ST7: variants seen among roughly 807,000 people sequenced by gnomAD.
ST7 encodes suppressor of tumorigenicity 7 protein.
Under a neutral mutation model 78.7 loss-of-function variants are expected in ST7, and 28 were observed. The ratio of observed to expected loss-of-function variants is 0.36; its 90% CI spans 0.26 to 0.49. ST7 has a LOEUF of 0.49. ST7 is among the 20% of genes least tolerant of loss of function. The probability of loss-of-function intolerance (pLI) is 0.99; values close to 1 mark genes in which losing one functional copy is unlikely to be tolerated. For missense variants in ST7, 418 were observed against 696.0 expected (o/e 0.60, Z 4.49); for synonymous variants, 247 against 249.6 (o/e 0.99, Z 0.10).
At chr7:116,991,272 T>C (rs1190952536) in intron 1 of ST7, among the ~76,000 whole-genome samples, 3 of 152,176 alleles carry the variant, frequency 2.0e-5, no homozygotes, top group Admixed American at 6.5e-5. Context: ...GGCTCTCTGC[T>C]TGAATGTGGG....
Position 117,190,285 on chromosome 7 carries a change from A to T in ST7, c.1152-549A>T, listed in dbSNP as rs1809649680. The T allele has an allele frequency of 6.0e-6, 1 of 167,938 alleles. No homozygotes were observed. The allele number at this position is 167,938 out of a possible 1,614,324, so 10.4% of individuals were successfully genotyped here. ...GGGTGTGAGGTGAGAAAGAGATTGC[A>T]TGGTCTGGTTTTTTTCATTCACTTG... is the stretch of plus-strand genomic sequence containing the variant. On this transcript the variant is annotated intron_variant, in intron 11 of 15. Coordinates refer to ENST00000323984, the MANE Select transcript of ST7 (RefSeq NM_001369598.1). The surrounding 1 kb of genome is among the most constrained non-coding windows in gnomAD (Gnocchi z 5.2).
At chr7:116,967,226 G>A (rs1793165426) in intron 1 of ST7, 8 of 465,226 alleles carry the variant, frequency 1.7e-5, no homozygotes, top group South Asian at 1.3e-4. Flanking sequence ...GTATGAATAG[G>A]TAGTAATTCT....
At chr7:117,143,591 A>T (rs1805508016) in intron 9 of ST7, among the ~76,000 whole-genome samples, 1 of 152,072 alleles carries the variant, frequency 6.6e-6, no homozygotes, top group African/African-American at 2.4e-5. Flanking sequence ...TACAAATATA[A>T]CCTCATTTAA....
intron 1 of ST7, among the ~76,000 whole-genome samples, chr7:117,019,819 C>T (rs1795788367): frequency 6.6e-6 from 1 of 152,160 alleles, no homozygotes; most frequent in Non-Finnish European, 1.5e-5. Context: ...TGTCAATCTA[C>T]CATAAGCTTT....
chr7:117,175,279 A>T (rs1808269241), intron 10 of ST7, among the ~76,000 whole-genome samples: 1 of 152,220 alleles, frequency 6.6e-6, no homozygotes, highest in Non-Finnish European at 1.5e-5. Flanking sequence ...TTCTTTTAGA[A>T]GCCGTTGCAA....
At position 117,129,787 on chromosome 7, in the gene ST7, T is replaced by G. The variant is rs765119164; in HGVS notation, c.395-6T>G. The G allele has an allele frequency of 3.1e-6, 5 of 1,609,348 alleles. No homozygotes were observed. Among genetic ancestry groups the G allele is most frequent in the Non-Finnish European group, 4.2e-6 (5 of 1,177,168 alleles). Reference sequence around the variant, plus strand: ...CGTAACATTTTCATATTTCTCTTTGTTGCAGAATGCAAAGTATGGCGAAAT... The same window carrying G: ...CGTAACATTTTCATATTTCTCTTTGGTGCAGAATGCAAAGTATGGCGAAAT... On this transcript the variant is annotated splice_region_variant and splice_polypyrimidine_tract_variant and intron_variant, in intron 3 of 15. Coordinates refer to ENST00000323984, the MANE Select transcript of ST7 (RefSeq NM_001369598.1).
chr7:117,183,145 G>A (rs1214274140), intron 10 of ST7, among the ~76,000 whole-genome samples: 2 of 152,076 alleles, frequency 1.3e-5, no homozygotes, highest in Admixed American at 1.3e-4. Context: ...TTTTTTATTG[G>A]CTAGGTGCGG....
At chr7:117,127,529 T>G (rs891763297) in intron 3 of ST7, among the ~76,000 whole-genome samples, 1 of 151,948 alleles carries the variant, frequency 6.6e-6, no homozygotes. Context: ...CACCTTCAAT[T>G]TAAAGGGCAT....
At chr7:117,170,814 TAA>T (rs1415402306) in intron 9 of ST7, 46 bp from the exon 10 acceptor site, 4 of 842,320 alleles carry the variant, frequency 4.7e-6, no homozygotes, top group Non-Finnish European at 6.9e-6. Flanking sequence ...AATAAAATTA[TAA>T]GACATACATA....
chr7:117,147,403 C>T (rs1445084959), intron 9 of ST7, among the ~76,000 whole-genome samples: 12 of 152,232 alleles, frequency 7.9e-5, no homozygotes, highest in South Asian at 2.1e-4. Flanking sequence ...TAAATTCTTA[C>T]GAGCAATACC....
intron 1 of ST7, among the ~76,000 whole-genome samples, chr7:117,097,036 T>TA (rs1215391233): frequency 6.6e-6 from 1 of 152,114 alleles, no homozygotes; most frequent in Non-Finnish European, 1.5e-5. Flanking sequence ...TAATCTCTTT[T>TA]AAAAAAACTC....
intron 1 of ST7, among the ~76,000 whole-genome samples, chr7:116,955,925 T>A (rs1792450850): frequency 6.6e-6 from 1 of 152,186 alleles, no homozygotes; most frequent in Non-Finnish European, 1.5e-5. Context: ...ATAGAAGACC[T>A]GATGATGCTG....
intron 1 of ST7, among the ~76,000 whole-genome samples, chr7:116,996,522 G>C (rs1794666780): frequency 6.6e-6 from 1 of 152,168 alleles, no homozygotes; most frequent in Admixed American, 6.5e-5. Context: ...ACTTGTTAGT[G>C]CTGCTTCATC....
intron 13 of ST7, among the ~76,000 whole-genome samples, chr7:117,213,009 A>G (rs1486753923): frequency 6.6e-6 from 1 of 152,210 alleles, no homozygotes; most frequent in African/African-American, 2.4e-5. Context: ...TACTTATAGT[A>G]GCATTTACTT....
intron 2 of ST7, among the ~76,000 whole-genome samples, chr7:117,115,186 G>T (rs1370407542): frequency 6.6e-6 from 1 of 151,774 alleles, no homozygotes; most frequent in Non-Finnish European, 1.5e-5. Context: ...TACCTAACCT[G>T]CACCTCCACT....
intron 1 of ST7, among the ~76,000 whole-genome samples, chr7:116,964,143 T>C (rs1019214577): frequency 3.3e-5 from 5 of 152,362 alleles, no homozygotes; most frequent in Non-Finnish European, 4.4e-5. Flanking sequence ...CATAAGCTGC[T>C]CATATCTGGA....
intron 1 of ST7, among the ~76,000 whole-genome samples, chr7:117,002,637 G>A (rs1794980609): frequency 1.1e-5 from 1 of 89,804 alleles, no homozygotes; most frequent in Middle Eastern, 4.7e-3. Context: ...TTGTAGTTGA[G>A]GCTGTGTGTG....
intron 1 of ST7, among the ~76,000 whole-genome samples, chr7:117,039,118 A>C (rs1797071353): frequency 6.6e-6 from 1 of 152,142 alleles, no homozygotes; most frequent in African/African-American, 2.4e-5. Flanking sequence ...CTCTATAAAT[A>C]GATGTGGCAG....
chr7:116,953,585 C>T lies in ST7; in HGVS notation c.45C>T (p.Cys15=). ...ATGFLEQLKS[C]IVWSWTYLWT... is the part of the protein sequence containing the mutation. Reference sequence around the variant, plus strand: ...GCTTTCTGGAGCAGCTCAAGTCCTGCATAGTTTGGTCTTGGACGTATCTGT... The same window carrying T: ...GCTTTCTGGAGCAGCTCAAGTCCTGTATAGTTTGGTCTTGGACGTATCTGT... The change falls in exon 1 of 16, where the codon TGC becomes TGT. Residue 15 remains cysteine (C), a synonymous_variant. Transcript: ENST00000323984. The T allele has an allele frequency of 1.3e-6, 2 of 1,489,210 alleles. No homozygotes were observed. The highest frequency in any genetic ancestry group is 1.2e-5 in the South Asian group (1 of 83,016). 92.2% of individuals were successfully genotyped at this position (1,489,210 alleles called of 1,614,324 possible). A position where few individuals can be genotyped will look rare whatever the true frequency, so the allele number is the denominator to read the frequency against.
Sources: allele counts gnomAD v4.1 joint callset (sites outside exome capture counted in the v4.1 genomes callset), GRCh38; gene constraint gnomAD v4.1.1; non-coding constraint Gnocchi (gnomAD v3.1); transcripts MANE v1.5; gene names NCBI Gene and HGNC (gene_info 2026-07-23, HGNC 2026-07-21).